Variants in NUCB2 observed in about 807,000 individuals in gnomAD.
NUCB2 encodes nucleobindin-2.
A neutral mutation model predicts 57.9 loss-of-function variants in NUCB2; 48 were observed. That is an observed-to-expected ratio of 0.83 (90% CI 0.66 to 1.05). The LOEUF is 1.05. Among genes scored for constraint, NUCB2 ranks in the 50% least tolerant of loss-of-function variants. The pLI is 0.00. For missense variants in NUCB2, 442 were observed against 476.2 expected, an observed-to-expected ratio of 0.93 and a Z score of 0.67; for synonymous variants, 139 against 152.1, an observed-to-expected ratio of 0.91 and a Z score of 0.64.
chr11:17,342,558 A>G (rs1340017561), intron 2 of NUCB2, among the ~76,000 whole-genome samples: 1 of 150,260 alleles, frequency 6.7e-6, no homozygotes. Flanking sequence ...TTCTGCCTTC[A>G]TTTCGTTATG....
At chr11:17,338,815 C>T (rs1952007806) in intron 2 of NUCB2, among the ~76,000 whole-genome samples, 1 of 151,896 alleles carries the variant, frequency 6.6e-6, no homozygotes, top group Admixed American at 6.6e-5. Context: ...AGGCATATGC[C>T]ACCACACCTG....
intron 5 of NUCB2, 40 bp from the exon 6 acceptor site, chr11:17,309,532 C>A (rs1372793104): frequency 9.0e-7 from 1 of 1,116,018 alleles, no homozygotes. Context: ...TTTCTAGCTT[C>A]TAGAAATTGA....
chr11:17,278,170 C>CTTTTTTTTTTTT (rs35441492), intron 1 of NUCB2, among the ~76,000 whole-genome samples: 1 of 85,130 alleles, frequency 1.2e-5, no homozygotes, highest in Non-Finnish European at 2.3e-5. Context: ...TTTTACCCAT[C>CTTTTTTTTTTTT]TTTTTTTTTT....
intron 2 of NUCB2, among the ~76,000 whole-genome samples, chr11:17,293,322 A>G (rs1466992738): frequency 6.6e-6 from 1 of 152,138 alleles, no homozygotes; most frequent in African/African-American, 2.4e-5. Flanking sequence ...CATGTATACA[A>G]ACACATTCTC....
intron 5 of NUCB2, among the ~76,000 whole-genome samples, chr11:17,307,294 C>T (rs1947821215): frequency 6.6e-6 from 1 of 151,682 alleles, no homozygotes; most frequent in Admixed American, 6.6e-5. Flanking sequence ...CTAACACCAT[C>T]CTCCTTGGGT....
intron 2 of NUCB2, among the ~76,000 whole-genome samples, chr11:17,288,880 T>TACACACACACACACACACACAC (rs775443519): frequency 3.0e-5 from 2 of 67,534 alleles, no homozygotes; most frequent in African/African-American, 5.6e-5. Context: ...ATAACATGTA[T>TACACACACACACACACACACAC]ATACACACAC....
intron 11 of NUCB2, among the ~76,000 whole-genome samples, chr11:17,319,906 T>C (rs1242774838): frequency 6.6e-6 from 1 of 152,168 alleles, no homozygotes; most frequent in Non-Finnish European, 1.5e-5. Context: ...TATCCTCCTA[T>C]AGGCCCCAGT....
rs1421462065 is a variant in NUCB2, at chr11:17,296,205, A to G, written c.246A>G (p.Glu82=). The change falls in exon 4 of 14, where the codon GAA becomes GAG. Residue 82 remains glutamate, a synonymous_variant. Transcript: ENST00000529010. ...AGCTCCAGAAAGCAGACATAGAGGA[A>G]ATAAAGGTAAATGCAATTCAATAAT... ...REKLQKADIE[E]IKSGRLSKEL... 1.9e-6 allele frequency: 3 copies of G among 1,581,254 alleles called. No homozygotes were observed. The Admixed American group carries it at 5.1e-5, about 27-fold the overall frequency.
At chr11:17,279,399 A>G (rs1023245493) in intron 1 of NUCB2, among the ~76,000 whole-genome samples, 7 of 152,168 alleles carry the variant, frequency 4.6e-5, no homozygotes, top group Admixed American at 3.9e-4. Flanking sequence ...TTCTGTATTT[A>G]TAACCTTTTA....
intron 2 of NUCB2, among the ~76,000 whole-genome samples, chr11:17,289,186 A>G (rs1172869798): frequency 1.3e-5 from 2 of 151,820 alleles, no homozygotes; most frequent in Non-Finnish European, 2.9e-5. Context: ...TTGAACTCCT[A>G]ACCTCAACCA....
At chr11:17,340,724 C>A (rs1952190418) in intron 2 of NUCB2, among the ~76,000 whole-genome samples, 1 of 152,182 alleles carries the variant, frequency 6.6e-6, no homozygotes, top group African/African-American at 2.4e-5. Flanking sequence ...TGTTTTGGTA[C>A]CAGTACCGTG....
rs1450741730 is a variant in NUCB2, at chr11:17,310,361, G to A, written c.484-464G>A. Among the ~76,000 whole-genome samples the A allele has an allele frequency of 1.6e-4, 25 of 152,092 alleles. 1 individual carries two copies. The highest frequency in any genetic ancestry group is 1.6e-3 in the Admixed American group (25 of 15,268). On this transcript the variant is annotated intron_variant, in intron 6 of 13. Coordinates refer to ENST00000529010, the MANE Select transcript of NUCB2 (RefSeq NM_005013.4). ...TAATAATGATGACTAAAATTGCTGG[G>A]CATGGTGGCTCATGCCTGTAATCCC...
intron 11 of NUCB2, among the ~76,000 whole-genome samples, chr11:17,325,908 C>T (rs11024254): frequency 0.23 from 34,635 of 152,006 alleles, 4,822 homozygotes; most frequent in East Asian, 0.51. Flanking sequence ...AAATTGATGA[C>T]AACACTGATT....
chr11:17,280,376 TA>T (rs1242442819), intron 1 of NUCB2, among the ~76,000 whole-genome samples: 3 of 152,234 alleles, frequency 2.0e-5, no homozygotes, highest in African/African-American at 7.2e-5. Context: ...CAGCTGGTCA[TA>T]CACTTGATAT....
intron 7 of NUCB2, 75 bp downstream of exon 7, chr11:17,311,085 T>C: frequency 7.1e-7 from 1 of 1,412,018 alleles, no homozygotes; most frequent in South Asian, 1.4e-5. Flanking sequence ...TATTGTGTTA[T>C]TAGTACTTAA....
rs71457870 is a variant in NUCB2 at position 17,282,236 on chromosome 11, CTA to C, written c.-155-531_-155-530del. On this transcript the variant is annotated intron_variant, in intron 1 of 13. Coordinates refer to ENST00000529010, the MANE Select transcript of NUCB2 (RefSeq NM_005013.4). ...TATCTATATCTATCTATCTATCTAT[CTA>C]TATATATATATATATATATATTTTT... Among the ~76,000 whole-genome samples, 143 of 104,068 alleles carry C rather than the reference CTA, an allele frequency of 1.4e-3. 1 individual carries two copies. Among genetic ancestry groups the C allele is most frequent in the African/African-American group, 2.9e-3 (93 of 31,782 alleles). 68.3% of individuals were successfully genotyped at this position (104,068 alleles called of 152,430 possible).
intron 2 of NUCB2, among the ~76,000 whole-genome samples, chr11:17,286,469 C>T (rs962004756): frequency 8.5e-5 from 13 of 152,124 alleles, no homozygotes; most frequent in African/African-American, 2.9e-4. Context: ...GTAATTTTAC[C>T]AGAGGCTCTG....
At chr11:17,317,949 G>A (rs908507744) in intron 11 of NUCB2, among the ~76,000 whole-genome samples, 5 of 145,770 alleles carry the variant, frequency 3.4e-5, no homozygotes, top group African/African-American at 1.3e-4. Context: ...AAATGTGTGA[G>A]CCACTGTGCC....
At chr11:17,308,610 T>C (rs991609274) in intron 5 of NUCB2, among the ~76,000 whole-genome samples, 5 of 152,234 alleles carry the variant, frequency 3.3e-5, no homozygotes, top group Non-Finnish European at 5.9e-5. Flanking sequence ...TATTGCGTTG[T>C]TTCTGGTGAG....
Sources: gnomAD v4.1 joint callset for allele counts (sites outside exome capture counted in the v4.1 genomes callset) on GRCh38, gnomAD v4.1.1 for gene constraint, MANE v1.5 for transcripts, NCBI Gene and HGNC (gene_info 2026-07-23, HGNC 2026-07-21) for gene names.